The following SLCO5A1 variants were observed in gnomAD, a reference collection of about 807,000 sequenced individuals.
The protein encoded by SLCO5A1 is solute carrier organic anion transporter family member 5A1, also known as organic anion transporter polypeptide-related protein 4.
SLCO5A1 carries 39 observed loss-of-function variants against 65.1 expected under a neutral mutation model. That is an observed-to-expected ratio of 0.60 (90% CI 0.46 to 0.78). The LOEUF is 0.78. Among genes scored for constraint, SLCO5A1 ranks in the 30% least tolerant of loss-of-function variants. The pLI is 0.00. For missense variants in SLCO5A1, 1,029 were observed against 1,069.4 expected, an observed-to-expected ratio of 0.96 and a Z score of 0.53; for synonymous variants, 438 against 415.7, an observed-to-expected ratio of 1.05 and a Z score of -0.65.
At chr8:69,695,343 A>G (rs1302045950) in intron 6 of SLCO5A1, among the ~76,000 whole-genome samples, 2 of 152,064 alleles carry the variant, frequency 1.3e-5, no homozygotes, top group Non-Finnish European at 2.9e-5. Context: ...AAAAAATACG[A>G]AAATTAGCCG....
chr8:69,784,987 GAA>G (rs1391959260), intron 2 of SLCO5A1, among the ~76,000 whole-genome samples: 3 of 133,196 alleles, frequency 2.3e-5, no homozygotes, highest in African/African-American at 8.6e-5. Flanking sequence ...AAGAAAGAAA[GAA>G]AAGCGAAAGA....
Position 69,832,808 on chromosome 8 carries a change from G to A in SLCO5A1, c.-135C>T. On this transcript the variant is annotated 5_prime_UTR_variant, in exon 2 of 10. Coordinates refer to ENST00000260126, the MANE Select transcript of SLCO5A1 (RefSeq NM_030958.3). This position sits in a 1 kb window ranked among gnomAD's most constrained non-coding sequence, Gnocchi z 4.5. ...ACTGGGGCTGGGGGCGCAGGGCCGC[G>A]CAGCAGGGCATCCTCACCAGCTGCG... 1.0e-6 allele frequency: 1 copy of A among 1,002,766 alleles called. No homozygotes were observed. Among genetic ancestry groups the A allele is most frequent in the East Asian group, 2.6e-5 (1 of 37,866 alleles). The allele number at this position is 1,002,766 out of a possible 1,614,324, so 62.1% of individuals were successfully genotyped here.
intron 2 of SLCO5A1, among the ~76,000 whole-genome samples, chr8:69,808,101 T>G (rs899341737): frequency 3.3e-5 from 5 of 152,168 alleles, no homozygotes; most frequent in African/African-American, 1.2e-4. Context: ...AACACTTAGT[T>G]GTTTCCATGT....
chr8:69,821,596 G>A (rs1296065459), intron 2 of SLCO5A1, among the ~76,000 whole-genome samples: 1 of 151,768 alleles, frequency 6.6e-6, no homozygotes, highest in Non-Finnish European at 1.5e-5. Flanking sequence ...ATCACTTGAG[G>A]CTAGGAGTTC....
rs532946737 is a variant in SLCO5A1, at chr8:69,681,734, C to T, written c.1782+450G>A. 1.7e-3 allele frequency among the ~76,000 whole-genome samples: 253 copies of T among 151,868 alleles called. 2 individuals are homozygous for T. The highest frequency in any genetic ancestry group is 5.3e-3 in the African/African-American group (218 of 41,432). On this transcript the variant is annotated intron_variant, in intron 7 of 9. Coordinates refer to ENST00000260126, the MANE Select transcript of SLCO5A1 (RefSeq NM_030958.3). ...TTACTTTGAAAGTTTTTTTTTAAGC[C>T]GGAACTGAACTGATATAGTCTATGA...
At chr8:69,688,941 T>G (rs188171744) in intron 6 of SLCO5A1, among the ~76,000 whole-genome samples, 7,516 of 152,028 alleles carry the variant, frequency 0.049, 510 homozygotes, top group African/African-American at 0.16. Flanking sequence ...TGAACTAGTT[T>G]ACAGTCCCAC....
intron 2 of SLCO5A1, among the ~76,000 whole-genome samples, chr8:69,778,580 A>C (rs1377212146): frequency 2.0e-5 from 3 of 152,188 alleles, no homozygotes; most frequent in Non-Finnish European, 4.4e-5. Flanking sequence ...TCATATTTTC[A>C]GTTTTCTCTA....
intron 2 of SLCO5A1, among the ~76,000 whole-genome samples, chr8:69,817,913 G>T (rs1245246749): frequency 6.6e-6 from 1 of 152,124 alleles, no homozygotes; most frequent in African/African-American, 2.4e-5. Flanking sequence ...CCCCACCAAG[G>T]GGCCTTAGAA....
At chr8:69,776,467 C>T (rs1008303117) in intron 2 of SLCO5A1, among the ~76,000 whole-genome samples, 2 of 152,044 alleles carry the variant, frequency 1.3e-5, no homozygotes, top group African/African-American at 4.8e-5. Context: ...CCAAGGCTGG[C>T]GGATTGCTTG....
intron 2 of SLCO5A1, among the ~76,000 whole-genome samples, chr8:69,771,443 C>T (rs561657194): frequency 1.6e-4 from 24 of 152,300 alleles, no homozygotes; most frequent in African/African-American, 5.1e-4. Flanking sequence ...TTGTATTAGG[C>T]TAAATTTATT....
intron 2 of SLCO5A1, among the ~76,000 whole-genome samples, chr8:69,775,182 C>A (rs775199802): frequency 3.9e-5 from 6 of 152,202 alleles, no homozygotes; most frequent in Non-Finnish European, 7.4e-5. Context: ...ATTTAGAGAG[C>A]TTTCTCCTCG....
chr8:69,795,938 G>A (rs1819473306), intron 2 of SLCO5A1, among the ~76,000 whole-genome samples: 1 of 152,252 alleles, frequency 6.6e-6, no homozygotes, highest in African/African-American at 2.4e-5. Flanking sequence ...AAGGCTTACA[G>A]CTTACACCCT....
Position 69,832,074 on chromosome 8 carries a change from C to T in SLCO5A1, c.600G>A (p.Val200=). 5 of 1,613,444 alleles carry T rather than the reference C, an allele frequency of 3.1e-6. No homozygotes were observed. The highest frequency in any genetic ancestry group is 4.2e-6 in the Non-Finnish European group (5 of 1,179,922). Residue 200 remains valine, a synonymous_variant, in exon 2 of 10, where the codon GTG becomes GTA. Coordinates refer to ENST00000260126, the MANE Select transcript of SLCO5A1 (RefSeq NM_030958.3). This position sits in a 1 kb window ranked among gnomAD's most constrained non-coding sequence, Gnocchi z 4.5. ...CCCCGAAGGCGATGAGGAGTCCACCCACGGCCAGCCACAGGGGCCGCCGAC... is the reference window on the plus strand; with the variant it reads ...CCCCGAAGGCGATGAGGAGTCCACCTACGGCCAGCCACAGGGGCCGCCGAC... ...GRGRRPLWLA[V]GGLLIAFGAA...
intron 2 of SLCO5A1, among the ~76,000 whole-genome samples, chr8:69,790,254 G>A (rs1685087140): frequency 6.7e-6 from 1 of 149,678 alleles, no homozygotes; most frequent in South Asian, 2.1e-4. Flanking sequence ...ATAAATGCTT[G>A]AAGGGATGTA....
chr8:69,682,656 T>C (rs367864080), intron 6 of SLCO5A1, among the ~76,000 whole-genome samples: 8 of 152,300 alleles, frequency 5.3e-5, no homozygotes, highest in African/African-American at 1.9e-4. Context: ...CCAACCCTAA[T>C]ATAACTACTC....
At chr8:69,736,871 C>T (rs1446910390) in intron 5 of SLCO5A1, among the ~76,000 whole-genome samples, 1 of 152,114 alleles carries the variant, frequency 6.6e-6, no homozygotes, top group Non-Finnish European at 1.5e-5. Context: ...CTTTTGTTTT[C>T]CCTGTCCAAA....
chr8:69,678,709 C>A (rs1813644750), intron 8 of SLCO5A1, among the ~76,000 whole-genome samples: 1 of 148,272 alleles, frequency 6.7e-6, no homozygotes, highest in Non-Finnish European at 1.5e-5. Context: ...CCAGTGCCAA[C>A]ATTTTTAATA....
At chr8:69,794,591 G>T in intron 2 of SLCO5A1, 1 of 323,818 alleles carries the variant, frequency 3.1e-6, no homozygotes, top group African/African-American at 2.2e-5. Context: ...TAGATTACCG[G>T]TTTGGAAATT....
chr8:69,794,296 T>C, intron 2 of SLCO5A1: 1 of 474,662 alleles, frequency 2.1e-6, no homozygotes, highest in South Asian at 1.7e-5. Flanking sequence ...GTTCTTGAGG[T>C]TAATGTAGCA....
Sources: allele counts gnomAD v4.1 joint callset (sites outside exome capture counted in the v4.1 genomes callset), GRCh38; gene constraint gnomAD v4.1.1; non-coding constraint Gnocchi (gnomAD v3.1); transcripts MANE v1.5; gene names NCBI Gene and HGNC (gene_info 2026-07-23, HGNC 2026-07-21).